Variants in ATP1B3 observed in about 807,000 individuals in gnomAD.
ATP1B3 encodes sodium/potassium-transporting ATPase subunit beta-3.
ATP1B3 carries 10 observed loss-of-function variants against 30.2 expected under a neutral mutation model. That is an observed-to-expected ratio of 0.33 (90% CI 0.20 to 0.56). The LOEUF (loss-of-function observed/expected upper bound fraction) is 0.56. Ranked by LOEUF, ATP1B3 falls within the 20% of genes least tolerant of loss-of-function variation. The pLI is 0.90. For missense variants in ATP1B3, 238 were observed against 336.7 expected (o/e 0.71, Z 2.29); for synonymous variants, 113 against 117.0 (o/e 0.97, Z 0.22).
chr3:141,896,409 T>TA (rs1934067364), intron 1 of ATP1B3, among the ~76,000 whole-genome samples: 1 of 152,146 alleles, frequency 6.6e-6, no homozygotes, highest in Admixed American at 6.6e-5. Flanking sequence ...TAGTCCTAGC[T>TA]ACTGGGGAGG....
chr3:141,910,764 G>T (rs1934343522), intron 3 of ATP1B3, among the ~76,000 whole-genome samples: 1 of 141,212 alleles, frequency 7.1e-6, no homozygotes, highest in African/African-American at 2.7e-5. Context: ...CTGTTTCTTG[G>T]CTCTTGCCCT....
intron 1 of ATP1B3, among the ~76,000 whole-genome samples, chr3:141,889,750 A>AAAAATATAT (rs1553743802): frequency 1.3e-5 from 1 of 79,116 alleles, no homozygotes; most frequent in African/African-American, 4.7e-5. Context: ...AAAAAAAAAA[A>AAAAATATAT]ATATATACAC....
intron 1 of ATP1B3, among the ~76,000 whole-genome samples, chr3:141,902,676 C>A (rs1414547464): frequency 6.6e-6 from 1 of 152,096 alleles, no homozygotes; most frequent in Non-Finnish European, 1.5e-5. Flanking sequence ...GAGATTAAGC[C>A]CTTAATGTTG....
intron 4 of ATP1B3, among the ~76,000 whole-genome samples, chr3:141,914,266 TAGCAA>T (rs547509311): frequency 1.4e-3 from 211 of 152,322 alleles, no homozygotes; most frequent in Non-Finnish European, 2.3e-3. Flanking sequence ...TTCGAAATAG[TAGCAA>T]AGCATAGTTT....
chr3:141,893,010 TC>T (rs1183193511), intron 1 of ATP1B3, among the ~76,000 whole-genome samples: 1 of 152,138 alleles, frequency 6.6e-6, no homozygotes, highest in Non-Finnish European at 1.5e-5. Context: ...TATGTAGTTT[TC>T]CTCTTGGCCT....
At chr3:141,896,791 C>G (rs1264369138) in intron 1 of ATP1B3, among the ~76,000 whole-genome samples, 2 of 151,854 alleles carry the variant, frequency 1.3e-5, no homozygotes, top group African/African-American at 4.8e-5. Context: ...GCTTATTTTT[C>G]TTTGTTCTAT....
chr3:141,919,887 C>T (rs750136582), intron 5 of ATP1B3, among the ~76,000 whole-genome samples: 3 of 151,982 alleles, frequency 2.0e-5, no homozygotes, highest in African/African-American at 4.8e-5. Flanking sequence ...TGTAGTGAGC[C>T]ATGATCGCGC....
intron 1 of ATP1B3, among the ~76,000 whole-genome samples, chr3:141,902,719 T>G (rs959437936): frequency 1.3e-5 from 2 of 152,192 alleles, no homozygotes; most frequent in Non-Finnish European, 2.9e-5. Flanking sequence ...GCTTTGTGCT[T>G]AGCAGTAGAG....
chr3:141,878,921 G>A (rs1047785596), intron 1 of ATP1B3, among the ~76,000 whole-genome samples: 1 of 152,180 alleles, frequency 6.6e-6, no homozygotes, highest in East Asian at 1.9e-4. Flanking sequence ...AGCTTGCCAG[G>A]CTGTGTATCC....
At chr3:141,902,325 C>T in intron 1 of ATP1B3, 2 of 864,800 alleles carry the variant, frequency 2.3e-6, no homozygotes, top group South Asian at 2.8e-5. Context: ...GGGGGTGATT[C>T]CTGCCTTGCA....
At chr3:141,879,589 T>C (rs947363539) in intron 1 of ATP1B3, among the ~76,000 whole-genome samples, 1 of 151,088 alleles carries the variant, frequency 6.6e-6, no homozygotes, top group Non-Finnish European at 1.5e-5. Flanking sequence ...CTGGCCAACA[T>C]GGTGAAACCC....
intron 1 of ATP1B3, among the ~76,000 whole-genome samples, chr3:141,901,218 G>A (rs182636085): frequency 9.8e-4 from 149 of 152,262 alleles, no homozygotes; most frequent in African/African-American, 3.4e-3. Context: ...GCACTGAGGC[G>A]GGCATGGCAC....
At chr3:141,912,266 CTTATTTATTTAT>C (rs144027846) in intron 3 of ATP1B3, among the ~76,000 whole-genome samples, 13,508 of 150,456 alleles carry the variant, frequency 0.09, 741 homozygotes, top group East Asian at 0.16. Context: ...AAATTTGGTT[CTTATTTATTTAT>C]TTATTTATTT....
chr3:141,883,262 C>T (rs377319368), intron 1 of ATP1B3, among the ~76,000 whole-genome samples: 2 of 152,118 alleles, frequency 1.3e-5, no homozygotes, highest in African/African-American at 4.8e-5. Flanking sequence ...CCGAAGTGGG[C>T]GGATCACTTG....
At position 141,890,273 on chromosome 3, in the gene ATP1B3, T is replaced by G. The variant is rs535814743; in HGVS notation, c.110-13347T>G. ...AATTTTTTGATTTTTGTTTGTTTGT[T>G]TTTTTGTGGGGCTTTTTTTTTTTTT... On this transcript the variant is annotated intron_variant, in intron 1 of 6. Coordinates refer to ENST00000286371, the MANE Select transcript of ATP1B3 (RefSeq NM_001679.4). Among the ~76,000 whole-genome samples, 5 of 144,628 alleles carry G rather than the reference T, an allele frequency of 3.5e-5. No homozygotes were observed. The South Asian group carries it at 1.1e-3, about 31-fold the overall frequency. The allele number at this position is 144,628 out of a possible 152,430, so 94.9% of individuals were successfully genotyped here.
intron 3 of ATP1B3, among the ~76,000 whole-genome samples, chr3:141,907,993 T>A (rs192890972): frequency 2.2e-4 from 33 of 151,766 alleles, no homozygotes; most frequent in East Asian, 1.6e-3. Flanking sequence ...GTAGCTGATA[T>A]ACATTTATGT....
intron 6 of ATP1B3, 56 bp from the exon 7 acceptor site, chr3:141,925,475 G>GA (rs1212339047): frequency 6.6e-7 from 1 of 1,522,556 alleles, no homozygotes; most frequent in African/African-American, 1.4e-5. Context: ...TCCTGGTAGA[G>GA]AGAAGTATTA....
At chr3:141,906,045 TG>T (rs543651880) in intron 2 of ATP1B3, among the ~76,000 whole-genome samples, 4 of 151,572 alleles carry the variant, frequency 2.6e-5, no homozygotes, top group Non-Finnish European at 5.9e-5. Context: ...TGTATTTATG[TG>T]TTGTATATTA....
At chr3:141,910,802 AT>A (rs1281369260) in intron 3 of ATP1B3, among the ~76,000 whole-genome samples, 1 of 106,958 alleles carries the variant, frequency 9.3e-6, no homozygotes, top group African/African-American at 3.7e-5. Flanking sequence ...AATTATTTTT[AT>A]TTTTTCTCTT....
Sources: allele counts gnomAD v4.1 joint callset (sites outside exome capture counted in the v4.1 genomes callset), GRCh38; gene constraint gnomAD v4.1.1; transcripts MANE v1.5; gene names NCBI Gene and HGNC (gene_info 2026-07-23, HGNC 2026-07-21).